The following METAP1 variants were observed in gnomAD, a reference collection of about 807,000 sequenced individuals.
METAP1 encodes methionine aminopeptidase 1.
Under a neutral mutation model 53.8 loss-of-function variants are expected in METAP1, and 28 were observed. The ratio of observed to expected loss-of-function variants is 0.52; its 90% CI spans 0.39 to 0.71. METAP1 has a LOEUF of 0.71. Ranked by LOEUF, METAP1 falls within the 30% of genes least tolerant of loss-of-function variation. The pLI, the probability that METAP1 is intolerant of heterozygous loss-of-function variation, is 0.00. For missense variants in METAP1, 389 were observed against 479.8 expected (o/e 0.81, Z 1.77); for synonymous variants, 181 against 165.7 (o/e 1.09, Z -0.71).
rs115214846 is a variant in METAP1 at position 99,017,353 on chromosome 4, A to G, written c.115-11514A>G. 7.2e-3 allele frequency among the ~76,000 whole-genome samples: 1,097 copies of G among 152,354 alleles called. 9 individuals are homozygous for G. Among genetic ancestry groups the G allele is most frequent in the African/African-American group, 0.025 (1,038 of 41,578 alleles). ...TATTTAAGGGCCTGACTGAGAGCAA[A>G]TAGTTCACAGCCTTCGGCGGAATAG... On this transcript the variant is annotated intron_variant, in intron 1 of 10. Transcript: ENST00000296411.
rs1724495797 is a variant in METAP1, at chr4:99,025,487, C to G, written c.115-3380C>G. On this transcript the variant is annotated intron_variant, in intron 1 of 10. Transcript: ENST00000296411. ...CCTACATAGCAAATTCCCAGAGATT[C>G]TGATTGAATTTGAAGTGGGGAATAA... 1.0e-5 allele frequency: 10 copies of G among 976,860 alleles called. No individual in the cohort carries two copies. The South Asian group carries it at 3.8e-4, about 37-fold the overall frequency. 60.5% of individuals were successfully genotyped at this position (976,860 alleles called of 1,614,324 possible).
intron 1 of METAP1, among the ~76,000 whole-genome samples, chr4:99,004,195 A>G (rs2110277199): frequency 6.6e-6 from 1 of 152,294 alleles, no homozygotes; most frequent in East Asian, 1.9e-4. Context: ...AAACTCTCTG[A>G]ACCCAATCCT....
intron 4 of METAP1, 61 bp from the exon 5 acceptor site, chr4:99,039,313 T>C (rs1725673481): frequency 2.3e-5 from 22 of 966,720 alleles, no homozygotes; most frequent in Non-Finnish European, 3.0e-5. Context: ...TTTATAATTA[T>C]GCAAATAAAT....
chr4:99,058,394 A>G (rs1727301934), intron 10 of METAP1, among the ~76,000 whole-genome samples: 1 of 152,006 alleles, frequency 6.6e-6, no homozygotes, highest in South Asian at 2.1e-4. Flanking sequence ...GTGGCATCAT[A>G]TAGCTATTGT....
chr4:99,025,544 C>G, intron 1 of METAP1: 6 of 881,782 alleles, frequency 6.8e-6, no homozygotes, highest in Non-Finnish European at 8.2e-6. Flanking sequence ...AAAAGCATTT[C>G]ACAGGATTTT....
intron 1 of METAP1, chr4:99,026,741 T>C (rs976177003): frequency 7.1e-6 from 7 of 985,254 alleles, no homozygotes; most frequent in Non-Finnish European, 8.4e-6. Flanking sequence ...AGAAGGCACA[T>C]TATTTAGGCT....
chr4:99,005,728 C>T, intron 1 of METAP1: 1 of 404,788 alleles, frequency 2.5e-6, no homozygotes, highest in Non-Finnish European at 4.9e-6. Flanking sequence ...ATGAAATACT[C>T]CCCAGCCATT....
chr4:99,031,752 T>G (rs1264993952), intron 2 of METAP1: 1 of 505,328 alleles, frequency 2.0e-6, no homozygotes, highest in Non-Finnish European at 3.5e-6. Flanking sequence ...CTTAGACATC[T>G]GTAGTTATTT....
intron 1 of METAP1, among the ~76,000 whole-genome samples, chr4:99,010,134 T>C (rs1723396936): frequency 6.6e-6 from 1 of 152,202 alleles, no homozygotes; most frequent in African/African-American, 2.4e-5. Flanking sequence ...GAAGAGACTA[T>C]TCTTTGCCTG....
chr4:99,003,656 G>GT (rs1171629664), intron 1 of METAP1, among the ~76,000 whole-genome samples: 3 of 152,124 alleles, frequency 2.0e-5, no homozygotes, highest in Non-Finnish European at 2.9e-5. Flanking sequence ...TTTCTAAATT[G>GT]TTTTTGATAT....
chr4:99,040,168 A>G (rs1268584381), intron 5 of METAP1, among the ~76,000 whole-genome samples: 1 of 152,242 alleles, frequency 6.6e-6, no homozygotes, highest in Admixed American at 6.5e-5. Context: ...ATATTTAAAA[A>G]CATTTTGTCA....
rs1314039544 is a variant in METAP1 at position 99,048,672 on chromosome 4, T to C, written c.788-61T>C. ...GGCATGAGCCACTGCATCTGGTTGA[T>C]AGTAATTGCTTAGTACGTATTAGTT... On this transcript the variant is annotated intron_variant, in intron 8 of 10. Transcript: ENST00000296411. 3.3e-6 allele frequency: 5 copies of C among 1,535,464 alleles called. No homozygotes were observed. In the East Asian group the frequency reaches 6.8e-5, roughly 21 times the overall value.
At chr4:99,059,264 A>C (rs1411316267) in intron 10 of METAP1, among the ~76,000 whole-genome samples, 2 of 152,106 alleles carry the variant, frequency 1.3e-5, no homozygotes, top group Non-Finnish European at 2.9e-5. Context: ...ATAGCCAAAT[A>C]AGTTTGACTT....
At chr4:99,043,478 T>G in intron 7 of METAP1, 91 bp downstream of exon 7, 2 of 1,328,528 alleles carry the variant, frequency 1.5e-6, no homozygotes, top group South Asian at 2.7e-5. Flanking sequence ...TTGACTTGCT[T>G]CCTGTACTTA....
At chr4:99,004,006 T>TC (rs1723044659) in intron 1 of METAP1, among the ~76,000 whole-genome samples, 1 of 152,156 alleles carries the variant, frequency 6.6e-6, no homozygotes, top group Non-Finnish European at 1.5e-5. Context: ...TTCTCATGGC[T>TC]CCCCCTCTTT....
Position 99,043,259 on chromosome 4 carries a change from C to T in METAP1, c.527C>T (p.Ala176Val). 1 of 1,585,002 alleles carries T rather than the reference C, an allele frequency of 6.3e-7. No homozygotes were observed. Among genetic ancestry groups the T allele is most frequent in the Non-Finnish European group, 8.6e-7 (1 of 1,159,756 alleles). The change falls in exon 7 of 11, where the codon GCA (alanine) becomes GTA (valine). Residue 176 changes from alanine (A) to valine (V), a missense_variant. Ala to Val is a moderately conservative substitution (Grantham distance 64, BLOSUM62 0). Coordinates refer to ENST00000296411, the MANE Select transcript of METAP1 (RefSeq NM_015143.3). ...IDHAVHLACIARNCYPSPLNY... is the reference protein window; with the variant it reads ...IDHAVHLACIVRNCYPSPLNY... The stretch of plus-strand genomic sequence containing the variant: ...TTTTCTGTATTATAGGCATGTATTG[C>T]AAGAAATTGCTACCCTTCTCCCCTG...
chr4:98,995,851 C>A lies in METAP1; in HGVS notation c.98C>A (p.Ser33Ter). 3.9e-6 allele frequency: 6 copies of A among 1,541,624 alleles called. No homozygotes were observed. The highest frequency in any genetic ancestry group is 5.3e-6 in the Non-Finnish European group (6 of 1,142,360). Reference sequence around the variant, plus strand: ...TGCATCAAGCTGGGCATCCAGGGCTCGTACTTCTGCTCGCAGGTAGGCGCC... The same window carrying A: ...TGCATCAAGCTGGGCATCCAGGGCTAGTACTTCTGCTCGCAGGTAGGCGCC... ...PTCIKLGIQGSYFCSQECFKG... is the reference protein window; with the variant it reads ...PTCIKLGIQG The change falls in exon 1 of 11, where the codon TCG becomes TAG. Residue 33 changes from serine (S) to a stop codon, truncating the protein, a stop_gained. Coordinates refer to ENST00000296411, the MANE Select transcript of METAP1 (RefSeq NM_015143.3). LOFTEE classifies it high-confidence loss of function.
chr4:99,028,979 C>A, intron 2 of METAP1, 61 bp downstream of exon 2: 3 of 1,126,024 alleles, frequency 2.7e-6, no homozygotes, highest in Non-Finnish European at 3.8e-6. Context: ...TGCCAGAAAA[C>A]AAGAATTCTT....
Position 98,995,875 on chromosome 4 carries a change from C to G in METAP1, c.114+8C>G, listed in dbSNP as rs1296221244. 1 of 1,533,486 alleles carries G rather than the reference C, an allele frequency of 6.5e-7. No homozygotes were observed. The highest frequency in any genetic ancestry group is 8.8e-7 in the Non-Finnish European group (1 of 1,136,278). 95.0% of individuals were successfully genotyped at this position (1,533,486 alleles called of 1,614,324 possible). A position where few individuals can be genotyped will look rare whatever the true frequency, so the allele number is the denominator to read the frequency against. On this transcript the variant is annotated splice_region_variant and intron_variant, in intron 1 of 10. Coordinates refer to ENST00000296411, the MANE Select transcript of METAP1 (RefSeq NM_015143.3). ...TCGTACTTCTGCTCGCAGGTAGGCG[C>G]CCGCTGCCCCGCGGATATGCCGCCG...
Sources: gnomAD v4.1 joint callset for allele counts (sites outside exome capture counted in the v4.1 genomes callset) on GRCh38, gnomAD v4.1.1 for gene constraint, MANE v1.5 for transcripts, NCBI Gene and HGNC (gene_info 2026-07-23, HGNC 2026-07-21) for gene names.